The following RANBP17 variants were observed in gnomAD, a reference collection of about 807,000 sequenced individuals.
RANBP17 encodes RAN binding protein 17, also known as ran-binding protein 17.
Under a neutral mutation model 141.2 loss-of-function variants are expected in RANBP17, and 158 were observed. That is an observed-to-expected ratio of 1.12 (90% CI 0.98 to 1.28). The LOEUF (loss-of-function observed/expected upper bound fraction) is 1.28. Among genes scored for constraint, RANBP17 ranks in the 50% most tolerant of loss-of-function variants. The pLI, the probability that RANBP17 is intolerant of heterozygous loss-of-function variation, is 0.00. For synonymous variants in RANBP17, 430 were observed against 450.0 expected, an observed-to-expected ratio of 0.96 and a Z score of 0.56; for missense variants, 1,438 against 1,290.7, an observed-to-expected ratio of 1.11 and a Z score of -1.75.
chr5:171,077,943 A>G (rs945653686), intron 14 of RANBP17, among the ~76,000 whole-genome samples: 1 of 152,298 alleles, frequency 6.6e-6, no homozygotes. Flanking sequence ...AGGAAGCTAC[A>G]GAAGAAAAGT....
intron 14 of RANBP17, among the ~76,000 whole-genome samples, chr5:171,090,463 A>C (rs942410434): frequency 6.6e-6 from 1 of 152,188 alleles, no homozygotes; most frequent in Non-Finnish European, 1.5e-5. Flanking sequence ...AACAGAGCAT[A>C]AAAGTTTGGA....
At chr5:171,064,818 G>A (rs1784201043) in intron 14 of RANBP17, among the ~76,000 whole-genome samples, 1 of 151,692 alleles carries the variant, frequency 6.6e-6, no homozygotes, top group Non-Finnish European at 1.5e-5. Flanking sequence ...ACCATGCCCA[G>A]CCTCCCTGCC....
chr5:170,990,588 T>G (rs1375063584), intron 14 of RANBP17, among the ~76,000 whole-genome samples: 1 of 151,808 alleles, frequency 6.6e-6, no homozygotes, highest in Non-Finnish European at 1.5e-5. Context: ...GGTAAAAAAA[T>G]ATACTGTTTT....
intron 12 of RANBP17, among the ~76,000 whole-genome samples, chr5:170,931,893 C>G (rs1000407675): frequency 2.0e-5 from 3 of 152,158 alleles, no homozygotes; most frequent in African/African-American, 7.2e-5. Flanking sequence ...AATGCGGGCT[C>G]TTTTTTGGTT....
At chr5:171,079,640 GC>G (rs1225907171) in intron 14 of RANBP17, among the ~76,000 whole-genome samples, 1 of 152,106 alleles carries the variant, frequency 6.6e-6, no homozygotes, top group Non-Finnish European at 1.5e-5. Context: ...CCCTCTGCCA[GC>G]AAAAAAATTA....
At chr5:171,213,458 A>C (rs4868073) in intron 20 of RANBP17, among the ~76,000 whole-genome samples, 173 bp from the exon 21 acceptor site, 1 of 151,956 alleles carries the variant, frequency 6.6e-6, no homozygotes, top group Non-Finnish European at 1.5e-5. Context: ...ATATCTGTGC[A>C]GGTTAGGGAG....
intron 14 of RANBP17, among the ~76,000 whole-genome samples, chr5:171,031,041 T>G (rs1374454150): frequency 6.6e-6 from 1 of 152,038 alleles, no homozygotes; most frequent in African/African-American, 2.4e-5. Flanking sequence ...TTATAGTTAG[T>G]GTAATTATTA....
chr5:171,021,759 A>G (rs1046759212), intron 14 of RANBP17, among the ~76,000 whole-genome samples: 1 of 152,162 alleles, frequency 6.6e-6, no homozygotes, highest in Non-Finnish European at 1.5e-5. Context: ...CATCTTTTGA[A>G]GGCTACTTCT....
At chr5:171,199,588 C>T in intron 18 of RANBP17, 82 bp from the exon 19 acceptor site, 3 of 779,072 alleles carry the variant, frequency 3.9e-6, no homozygotes, top group Non-Finnish European at 6.2e-6. Context: ...TATTTCTAAG[C>T]CTAAATGAAG....
chr5:171,108,611 G>A (rs935080072), intron 14 of RANBP17, among the ~76,000 whole-genome samples: 2 of 151,786 alleles, frequency 1.3e-5, no homozygotes, highest in African/African-American at 4.8e-5. Context: ...TGGAGACTCC[G>A]TATGATGTCC....
chr5:170,956,252 C>G (rs1775683549), intron 13 of RANBP17, among the ~76,000 whole-genome samples: 1 of 151,774 alleles, frequency 6.6e-6, no homozygotes, highest in African/African-American at 2.4e-5. Context: ...TATTTTTACC[C>G]TATTAAAGAC....
chr5:170,979,878 G>A (rs1777639500), intron 14 of RANBP17, among the ~76,000 whole-genome samples: 1 of 152,184 alleles, frequency 6.6e-6, no homozygotes, highest in Admixed American at 6.5e-5. Flanking sequence ...AAGCAACTTT[G>A]GAACTGGGTA....
chr5:171,214,483 G>C (rs2127973685), intron 21 of RANBP17, among the ~76,000 whole-genome samples: 1 of 152,294 alleles, frequency 6.6e-6, no homozygotes, highest in African/African-American at 2.4e-5. Flanking sequence ...TAGCCATCCT[G>C]TTTCATGAGT....
intron 14 of RANBP17, among the ~76,000 whole-genome samples, chr5:171,003,373 G>C (rs982767941): frequency 6.6e-6 from 1 of 152,176 alleles, no homozygotes; most frequent in Admixed American, 6.5e-5. Context: ...TATTGGTTTT[G>C]TTAGGATGGC....
chr5:171,110,240 A>G (rs946998162), intron 14 of RANBP17, among the ~76,000 whole-genome samples: 2 of 151,924 alleles, frequency 1.3e-5, no homozygotes, highest in Non-Finnish European at 2.9e-5. Context: ...CGGTTTCCTC[A>G]TTTGTAGAAT....
intron 14 of RANBP17, among the ~76,000 whole-genome samples, chr5:170,990,255 A>C (rs1778417123): frequency 6.6e-6 from 1 of 151,868 alleles, no homozygotes; most frequent in Non-Finnish European, 1.5e-5. Flanking sequence ...TATTTATTAG[A>C]TTCCCACTGA....
intron 3 of RANBP17, among the ~76,000 whole-genome samples, chr5:170,883,173 G>A (rs1211374053): frequency 6.6e-6 from 1 of 152,188 alleles, no homozygotes; most frequent in Non-Finnish European, 1.5e-5. Flanking sequence ...GAAAGCAAAG[G>A]AAAGGAGTTT....
rs70982330 is a variant in RANBP17, at chr5:171,277,637, G to GTATATATATATATA, written c.2943+11808_2943+11821dup. On this transcript the variant is annotated intron_variant, in intron 25 of 27. Coordinates refer to ENST00000523189, the MANE Select transcript of RANBP17 (RefSeq NM_022897.5). ...GTGCCTTACGTATACATATATGTAT[G>GTATATATATATATA]TATATATATATATATATATATATAT... Among the ~76,000 whole-genome samples, 289 of 56,852 alleles carry GTATATATATATATA rather than the reference G, an allele frequency of 5.1e-3. 4 individuals are homozygous for GTATATATATATATA. The highest frequency in any genetic ancestry group is 0.016 in the East Asian group (18 of 1,138). 37.3% of individuals were successfully genotyped at this position (56,852 alleles called of 152,430 possible).
Position 171,199,773 on chromosome 5 carries a change from G to T in RANBP17, c.2142G>T (p.Lys714Asn), listed in dbSNP as rs776771070. The stretch of plus-strand genomic sequence containing the variant: ...ACAACTTTAAACAAGAAGATGTAAA[G>T]GTGGGTTTGTTTCCAAATATGAGGA... ...FNNNFKQEDV[K>N]RMLIGLARDL... The change falls in exon 19 of 28, where the codon AAG becomes AAT. Residue 714 changes from lysine to asparagine, a missense_variant and splice_region_variant. Lys to Asn is a moderately conservative substitution (Grantham distance 94, BLOSUM62 0). Coordinates refer to ENST00000523189, the MANE Select transcript of RANBP17 (RefSeq NM_022897.5). The T allele has an allele frequency of 2.5e-6, 4 of 1,572,036 alleles. No homozygotes were observed. The South Asian group carries it at 4.6e-5, about 18-fold the overall frequency.
Sources: gnomAD v4.1 joint callset for allele counts (sites outside exome capture counted in the v4.1 genomes callset) on GRCh38, gnomAD v4.1.1 for gene constraint, MANE v1.5 for transcripts, NCBI Gene and HGNC (gene_info 2026-07-23, HGNC 2026-07-21) for gene names.